Variants in PCDH17 observed in about 807,000 individuals in gnomAD.
PCDH17 encodes the protein protocadherin-17.
A neutral mutation model predicts 67.7 loss-of-function variants in PCDH17; 21 were observed. The ratio of observed to expected loss-of-function variants is 0.31; its 90% CI spans 0.22 to 0.45. The LOEUF (loss-of-function observed/expected upper bound fraction) is 0.45, where lower values mean the gene tolerates loss of function less well. Ranked by LOEUF, PCDH17 falls within the 20% of genes least tolerant of loss-of-function variation. The probability of loss-of-function intolerance (pLI) is 1.00; values close to 1 mark genes in which losing one functional copy is unlikely to be tolerated. For missense variants in PCDH17, 1,471 were observed against 1,564.8 expected (o/e 0.94, Z 1.01); for synonymous variants, 701 against 656.7 (o/e 1.07, Z -1.03).
intron 3 of PCDH17, among the ~76,000 whole-genome samples, chr13:57,698,734 G>A (rs1377368073): frequency 6.6e-6 from 1 of 151,910 alleles, no homozygotes; most frequent in Non-Finnish European, 1.5e-5. Flanking sequence ...GATCCGAAAT[G>A]ATGCCTAATA....
chr13:57,644,540 C>T (rs1954942507), intron 1 of PCDH17, among the ~76,000 whole-genome samples: 1 of 151,184 alleles, frequency 6.6e-6, no homozygotes. Flanking sequence ...AAAAAAGAAA[C>T]ATAATTACTA....
intron 1 of PCDH17, among the ~76,000 whole-genome samples, chr13:57,642,163 T>C (rs933496582): frequency 6.6e-6 from 1 of 151,746 alleles, no homozygotes; most frequent in Non-Finnish European, 1.5e-5. Context: ...TTCTGAAATA[T>C]ATGCTGTCTG....
chr13:57,634,250 G>T lies in PCDH17; in HGVS notation c.1704G>T (p.Thr568=), dbSNP rs753730405. The part of the protein sequence containing the change: ...GAPAHLESNA[T]VRVTVLDVND... ...CCGCGCACTTGGAGAGCAACGCCAC[G>T]GTGAGGGTGACAGTGCTAGACGTGA... is the stretch of plus-strand genomic sequence containing the variant. The change falls in exon 1 of 4, where the codon ACG becomes ACT. Residue 568 remains threonine (T), a synonymous_variant. Coordinates refer to ENST00000377918, the MANE Select transcript of PCDH17 (RefSeq NM_001040429.3). This position sits in a 1 kb window ranked among gnomAD's most constrained non-coding sequence, Gnocchi z 7.8. 1.2e-6 allele frequency: 2 copies of T among 1,613,268 alleles called. No individual in the cohort carries two copies. Among genetic ancestry groups the T allele is most frequent in the South Asian group, 2.2e-5 (2 of 91,084 alleles).
At chr13:57,723,671 G>A (rs1198662919) in intron 3 of PCDH17, among the ~76,000 whole-genome samples, 1 of 152,092 alleles carries the variant, frequency 6.6e-6, no homozygotes, top group Non-Finnish European at 1.5e-5. Flanking sequence ...ATAAGAAAGG[G>A]ACAACTGGGA....
chr13:57,725,407 T>G lies in PCDH17; in HGVS notation c.*113T>G. 1.1e-6 allele frequency: 1 copy of G among 899,994 alleles called. No homozygotes were observed. Among genetic ancestry groups the G allele is most frequent in the Non-Finnish European group, 1.7e-6 (1 of 600,532 alleles). The allele number at this position is 899,994 out of a possible 1,614,324, so 55.8% of individuals were successfully genotyped here. ...GGATGAAGAAAGACCAATGCTGCTT[T>G]AAGGCTTTTAGTGAACATCTGAAGT... On this transcript the variant is annotated 3_prime_UTR_variant, in exon 4 of 4. Transcript: ENST00000377918.
intron 3 of PCDH17, among the ~76,000 whole-genome samples, chr13:57,698,480 T>A (rs1336376312): frequency 6.6e-6 from 1 of 151,934 alleles, no homozygotes; most frequent in East Asian, 1.9e-4. Flanking sequence ...TGCTGCTTTC[T>A]CGATCCTTCC....
At chr13:57,685,339 G>A (rs1955495421) in intron 3 of PCDH17, among the ~76,000 whole-genome samples, 1 of 151,838 alleles carries the variant, frequency 6.6e-6, no homozygotes, top group Non-Finnish European at 1.5e-5. Flanking sequence ...AAGCATTACT[G>A]ATTCTTCAAA....
In PCDH17 at chr13:57,705,485, C is replaced by T. The variant is rs967728892; in HGVS notation, c.2798-19127C>T. ...GGAGCTATATTTACAAATATAAAGA[C>T]ATGTATTCTCCTTACAGAAGAAGAT... On this transcript the variant is annotated intron_variant, in intron 3 of 3. Transcript: ENST00000377918. 7.9e-5 allele frequency among the ~76,000 whole-genome samples: 12 copies of T among 152,148 alleles called. No individual in the cohort carries two copies. In the East Asian group the frequency reaches 1.9e-3, roughly 25 times the overall value.
chr13:57,634,097 C>G lies in PCDH17; in HGVS notation c.1551C>G (p.Gly517=). The G allele has an allele frequency of 1.2e-6, 2 of 1,613,192 alleles. No homozygotes were observed. The highest frequency in any genetic ancestry group is 1.7e-6 in the Non-Finnish European group (2 of 1,179,940). ...ACTCTATCCTGCCCTCGCACATCGG[C>G]GACGTGTCTATCTACACCTATGTGT... ...VSYSILPSHI[G]DVSIYTYVSV... Residue 517 remains glycine (G), a synonymous_variant, in exon 1 of 4, where the codon GGC becomes GGG. Coordinates refer to ENST00000377918, the MANE Select transcript of PCDH17 (RefSeq NM_001040429.3). This position sits in a 1 kb window ranked among gnomAD's most constrained non-coding sequence, Gnocchi z 7.8.
chr13:57,672,130 A>C (rs535583686), intron 3 of PCDH17, among the ~76,000 whole-genome samples: 2 of 152,178 alleles, frequency 1.3e-5, no homozygotes, highest in South Asian at 4.1e-4. Context: ...GTTGCCAGTA[A>C]TAGGAATATC....
chr13:57,667,146 TA>T (rs1446230328), intron 3 of PCDH17, among the ~76,000 whole-genome samples: 1 of 152,182 alleles, frequency 6.6e-6, no homozygotes, highest in African/African-American at 2.4e-5. Context: ...AAATATGGCA[TA>T]TATTAGCTAG....
chr13:57,718,042 G>T (rs997833033), intron 3 of PCDH17, among the ~76,000 whole-genome samples: 1 of 151,790 alleles, frequency 6.6e-6, no homozygotes, highest in African/African-American at 2.4e-5. Flanking sequence ...AAAAATAAAA[G>T]CAGCAAGACA....
In PCDH17 at chr13:57,684,335, C is replaced by A. The variant is rs541554971; in HGVS notation, c.2797+17502C>A. Among the ~76,000 whole-genome samples the A allele has an allele frequency of 7.0e-3, 1,070 of 151,872 alleles. 16 individuals are homozygous for A. Among genetic ancestry groups the A allele is most frequent in the African/African-American group, 0.024 (1,003 of 41,496 alleles). On this transcript the variant is annotated intron_variant, in intron 3 of 3. Transcript: ENST00000377918. ...AAGCACACATTCACATATATATAAA[C>A]ACACATTATTTTATTTAAACACATA...
At chr13:57,671,775 AC>A (rs1004732453) in intron 3 of PCDH17, among the ~76,000 whole-genome samples, 26 of 152,048 alleles carry the variant, frequency 1.7e-4, no homozygotes, top group Admixed American at 1.1e-3. Flanking sequence ...ACTGAAACCA[AC>A]TCCTTGAAAT....
At chr13:57,722,613 A>G (rs1395022699) in intron 3 of PCDH17, among the ~76,000 whole-genome samples, 1 of 151,936 alleles carries the variant, frequency 6.6e-6, no homozygotes, top group African/African-American at 2.4e-5. Context: ...TTTTCTATGT[A>G]TTTATTTACT....
At chr13:57,667,012 G>A (rs542966505) in intron 3 of PCDH17, among the ~76,000 whole-genome samples, 179 bp downstream of exon 3, 2 of 152,184 alleles carry the variant, frequency 1.3e-5, no homozygotes, top group East Asian at 3.9e-4. Flanking sequence ...AGTCAAAAAC[G>A]AAAAACGAAG....
rs745707564 is a variant in PCDH17, at chr13:57,634,080, C to T, written c.1534C>T (p.Leu512=). 1.2e-6 allele frequency: 2 copies of T among 1,613,120 alleles called. No individual in the cohort carries two copies. Among genetic ancestry groups the T allele is most frequent in the Non-Finnish European group, 1.7e-6 (2 of 1,179,908 alleles). Reference sequence around the variant, plus strand: ...GAACGGCACCGTATCCTACTCTATCCTGCCCTCGCACATCGGCGACGTGTC... The same window carrying T: ...GAACGGCACCGTATCCTACTCTATCTTGCCCTCGCACATCGGCGACGTGTC... ...GQNGTVSYSI[L]PSHIGDVSIY... Residue 512 remains leucine (L), a synonymous_variant, in exon 1 of 4, where the codon CTG becomes TTG. Transcript: ENST00000377918. This position sits in a 1 kb window ranked among gnomAD's most constrained non-coding sequence, Gnocchi z 7.8.
At chr13:57,683,823 C>T (rs61961883) in intron 3 of PCDH17, among the ~76,000 whole-genome samples, 7,661 of 151,788 alleles carry the variant, frequency 0.05, 255 homozygotes, top group Middle Eastern at 0.095. Flanking sequence ...ATTCAGTTAG[C>T]CATATATATG....
At chr13:57,663,629 T>A (rs1157141772) in intron 1 of PCDH17, among the ~76,000 whole-genome samples, 1 of 152,194 alleles carries the variant, frequency 6.6e-6, no homozygotes, top group East Asian at 1.9e-4. Flanking sequence ...AAATGGCTAT[T>A]ACGTTATGGT....
Sources: gnomAD v4.1 joint callset for allele counts (sites outside exome capture counted in the v4.1 genomes callset) on GRCh38, gnomAD v4.1.1 for gene constraint, Gnocchi (gnomAD v3.1) non-coding constraint, MANE v1.5 for transcripts, NCBI Gene and HGNC (gene_info 2026-07-23, HGNC 2026-07-21) for gene names.